The following CCNY variants were observed in gnomAD, a reference collection of about 807,000 sequenced individuals.
CCNY encodes cyclin-Y.
CCNY carries 19 observed loss-of-function variants against 42.8 expected under a neutral mutation model. That is an observed-to-expected ratio of 0.44 (90% CI 0.31 to 0.65). The LOEUF is 0.65. Among genes scored for constraint, CCNY ranks in the 30% least tolerant of loss-of-function variants. The pLI, the probability that CCNY is intolerant of heterozygous loss-of-function variation, is 0.07. For missense variants in CCNY, 370 were observed against 437.3 expected, an observed-to-expected ratio of 0.85 and a Z score of 1.37; for synonymous variants, 165 against 162.7, an observed-to-expected ratio of 1.01 and a Z score of -0.11.
intron 7 of CCNY, among the ~76,000 whole-genome samples, chr10:35,546,695 A>G (rs924947527): frequency 2.0e-5 from 3 of 152,206 alleles, no homozygotes; most frequent in African/African-American, 7.2e-5. Flanking sequence ...TACAGGATGT[A>G]TTGTGTTGTC....
At position 35,449,196 on chromosome 10, in the gene CCNY, C is replaced by T. The variant is rs981803753; in HGVS notation, c.155-34208C>T. On this transcript the variant is annotated intron_variant, in intron 1 of 9. Transcript: ENST00000374704. ...GAGGGTATTCATTACAGTCTTGTGG[C>T]TGAGGTCACCACGCAGCGAGGAGGG... 4.5e-4 allele frequency among the ~76,000 whole-genome samples: 67 copies of T among 149,138 alleles called. 1 individual carries two copies. The highest frequency in any genetic ancestry group is 3.4e-4 in the Non-Finnish European group (23 of 67,520).
chr10:35,513,581 C>T (rs142171371), intron 3 of CCNY, among the ~76,000 whole-genome samples: 4 of 152,200 alleles, frequency 2.6e-5, no homozygotes, highest in Non-Finnish European at 5.9e-5. Flanking sequence ...TTTACAAATA[C>T]TAATTCATGC....
intron 3 of CCNY, among the ~76,000 whole-genome samples, chr10:35,509,597 T>C (rs1307313869): frequency 6.6e-6 from 1 of 152,192 alleles, no homozygotes; most frequent in African/African-American, 2.4e-5. Context: ...TTTCTTTCTA[T>C]GGAACATTAG....
chr10:35,551,780 T>A (rs1841262947), intron 7 of CCNY, among the ~76,000 whole-genome samples: 1 of 152,230 alleles, frequency 6.6e-6, no homozygotes, highest in African/African-American at 2.4e-5. Context: ...TCCAATCATT[T>A]TAATGATTTA....
intron 7 of CCNY, among the ~76,000 whole-genome samples, chr10:35,542,216 G>T (rs950275438): frequency 1.3e-5 from 2 of 150,398 alleles, no homozygotes; most frequent in Non-Finnish European, 3.0e-5. Flanking sequence ...AGGAGTGCTG[G>T]CTAGTTTTTT....
intron 1 of CCNY, among the ~76,000 whole-genome samples, chr10:35,424,937 T>C (rs917130557): frequency 6.6e-6 from 1 of 152,020 alleles, no homozygotes; most frequent in African/African-American, 2.4e-5. Context: ...GTGGCACTGG[T>C]TTTAAAAACA....
chr10:35,380,322 G>A (rs990787988), intron 1 of CCNY, among the ~76,000 whole-genome samples: 17 of 152,200 alleles, frequency 1.1e-4, no homozygotes, highest in Admixed American at 2.0e-4. Flanking sequence ...GGTGGTCACA[G>A]CTTATTTCTC....
intron 7 of CCNY, among the ~76,000 whole-genome samples, chr10:35,542,370 A>G (rs1841020451): frequency 6.6e-6 from 1 of 152,028 alleles, no homozygotes; most frequent in Non-Finnish European, 1.5e-5. Context: ...AACATGACTC[A>G]TGACTATTGA....
At chr10:35,552,939 A>C (rs752429752) in intron 7 of CCNY, 80 bp from the exon 8 acceptor site, 33 of 1,363,576 alleles carry the variant, frequency 2.4e-5, no homozygotes, top group Non-Finnish European at 2.9e-5. Context: ...GATGTAATAC[A>C]TATTTTAGCA....
intron 1 of CCNY, among the ~76,000 whole-genome samples, chr10:35,459,206 G>A (rs1052836923): frequency 9.2e-5 from 14 of 152,232 alleles, no homozygotes; most frequent in Non-Finnish European, 1.8e-4. Context: ...CAGATACACC[G>A]TGAGAGGCAG....
chr10:35,356,990 T>G (rs1200512749), intron 1 of CCNY, among the ~76,000 whole-genome samples: 2 of 152,128 alleles, frequency 1.3e-5, no homozygotes, highest in Non-Finnish European at 2.9e-5. Context: ...CACAAGGGCC[T>G]CCCAGTGTTT....
chr10:35,347,128 C>G (rs1349671799), intron 1 of CCNY, among the ~76,000 whole-genome samples: 5 of 152,184 alleles, frequency 3.3e-5, no homozygotes, highest in African/African-American at 1.2e-4. Context: ...CACATTATCC[C>G]TTATTGGGGA....
chr10:35,524,180 A>G (rs1840603891), intron 4 of CCNY, among the ~76,000 whole-genome samples: 1 of 152,234 alleles, frequency 6.6e-6, no homozygotes, highest in Non-Finnish European at 1.5e-5. Context: ...ATAAAATAGA[A>G]TCAATAACAT....
At chr10:35,318,255 T>A (rs147513404) in intron 3 of CCNY, among the ~76,000 whole-genome samples, 11 of 151,862 alleles carry the variant, frequency 7.2e-5, no homozygotes, top group African/African-American at 2.7e-4. Context: ...AATAAATAAA[T>A]AAGATTAAAT....
chr10:35,512,348 A>G (rs749516583), intron 3 of CCNY, among the ~76,000 whole-genome samples: 1 of 152,132 alleles, frequency 6.6e-6, no homozygotes. Context: ...AGGAAGTTGA[A>G]TTAATGAGAG....
chr10:35,512,279 G>C (rs1413445788), intron 3 of CCNY, among the ~76,000 whole-genome samples: 3 of 152,170 alleles, frequency 2.0e-5, no homozygotes, highest in East Asian at 1.9e-4. Flanking sequence ...GGCAAGTAGT[G>C]AGCTCAGAAG....
intron 2 of CCNY, among the ~76,000 whole-genome samples, chr10:35,487,893 G>T (rs1215253799): frequency 6.6e-6 from 1 of 152,166 alleles, no homozygotes; most frequent in Non-Finnish European, 1.5e-5. Flanking sequence ...GGTTTTTCAT[G>T]CTACTATCAT....
At chr10:35,558,328 G>C (rs1386575285) in intron 8 of CCNY, among the ~76,000 whole-genome samples, 2 of 152,176 alleles carry the variant, frequency 1.3e-5, no homozygotes, top group Non-Finnish European at 2.9e-5. Context: ...TGCACACACA[G>C]ATTTGTTCTC....
intron 1 of CCNY, among the ~76,000 whole-genome samples, chr10:35,453,464 A>G (rs943227146): frequency 1.6e-4 from 24 of 152,212 alleles, no homozygotes; most frequent in African/African-American, 5.5e-4. Flanking sequence ...CTTTGTGTCT[A>G]AAGCCTCCTC....
Sources: gnomAD v4.1 joint callset for allele counts (sites outside exome capture counted in the v4.1 genomes callset) on GRCh38, gnomAD v4.1.1 for gene constraint, MANE v1.5 for transcripts, NCBI Gene and HGNC (gene_info 2026-07-23, HGNC 2026-07-21) for gene names.